The following BTN3A1 variants were observed in gnomAD, a reference collection of about 807,000 sequenced individuals.
The protein encoded by BTN3A1 is dJ45P21.3 (butyrophilin, subfamily 3, member A1).
BTN3A1 carries 24 observed loss-of-function variants against 43.0 expected under a neutral mutation model. The ratio of observed to expected loss-of-function variants is 0.56; its 90% CI spans 0.40 to 0.78. The LOEUF is 0.78. Ranked by LOEUF, BTN3A1 falls within the 30% of genes least tolerant of loss-of-function variation. The probability of loss-of-function intolerance (pLI) is 0.00; values close to 1 mark genes in which losing one functional copy is unlikely to be tolerated. For synonymous variants in BTN3A1, 181 were observed against 234.7 expected, an observed-to-expected ratio of 0.77 and a Z score of 2.09; for missense variants, 533 against 626.2, an observed-to-expected ratio of 0.85 and a Z score of 1.59.
intron 7 of BTN3A1, among the ~76,000 whole-genome samples, chr6:26,410,572 C>T (rs1796520): frequency 0.61 from 92,993 of 151,828 alleles, 30,386 homozygotes; most frequent in African/African-American, 0.86. Context: ...CCTGAACAGT[C>T]GCTCAGTTGG....
chr6:26,407,534 A>G, intron 3 of BTN3A1, 137 bp from the exon 4 acceptor site: 1 of 1,126,752 alleles, frequency 8.9e-7, no homozygotes, highest in Non-Finnish European at 1.3e-6. Context: ...CTTTCTCCTC[A>G]CTAGGACCAC....
At chr6:26,413,029 G>C in intron 9 of BTN3A1, 140 bp from the exon 10 acceptor site, 1 of 1,494,834 alleles carries the variant, frequency 6.7e-7, no homozygotes. Flanking sequence ...ACATCGATGA[G>C]AGAGTCACAT....
intron 2 of BTN3A1, 42 bp downstream of exon 2, chr6:26,405,690 C>T: frequency 1.2e-6 from 2 of 1,607,726 alleles, no homozygotes; most frequent in Non-Finnish European, 1.7e-6. Flanking sequence ...CAGACAATTA[C>T]CTAATTATGT....
chr6:26,412,093 A>G (rs1762239821), intron 9 of BTN3A1: 1 of 265,314 alleles, frequency 3.8e-6, no homozygotes, highest in Non-Finnish European at 7.1e-6. Flanking sequence ...TCCATTGGTC[A>G]AAAACCTTAA....
Position 26,413,593 on chromosome 6 carries a change from T to G in BTN3A1, c.1443T>G (p.His481Gln). 6.2e-7 allele frequency: 1 copy of G among 1,614,194 alleles called. No homozygotes were observed. Among genetic ancestry groups the G allele is most frequent in the Non-Finnish European group, 8.5e-7 (1 of 1,180,028 alleles). ...TCTACAATGCTGTGGATGGATCGCA[T>G]ATTCATACTTTCCTGGACGTCTCCT... ...ISFYNAVDGS[H>Q]IHTFLDVSFS... The change falls in exon 10 of 10, where the codon CAT (histidine) becomes CAG (glutamine). Residue 481 changes from histidine (H) to glutamine (Q), a missense_variant. This residue lies in a region of BTN3A1 where 415 missense variants were observed against 427.0 expected (regional missense o/e 0.97). Coordinates refer to ENST00000289361, the MANE Select transcript of BTN3A1 (RefSeq NM_007048.6).
chr6:26,410,710 CAT>C (rs1195270783), intron 7 of BTN3A1, among the ~76,000 whole-genome samples: 4 of 151,182 alleles, frequency 2.6e-5, no homozygotes, highest in East Asian at 1.9e-4. Flanking sequence ...CACACACACA[CAT>C]ACACACATTT....
chr6:26,409,448 G>A, intron 4 of BTN3A1, 85 bp from the exon 5 acceptor site: 2 of 1,272,890 alleles, frequency 1.6e-6, no homozygotes, highest in Non-Finnish European at 2.3e-6. Flanking sequence ...CTGTGACCTG[G>A]GGTGAGCAGC....
intron 1 of BTN3A1, chr6:26,403,987 A>G (rs1313200361): frequency 2.0e-5 from 3 of 152,218 alleles, no homozygotes; most frequent in Non-Finnish European, 4.4e-5. Flanking sequence ...ATAGCAACAT[A>G]AAGAGCAGTT....
At chr6:26,408,738 G>C (rs1223356235) in intron 4 of BTN3A1, among the ~76,000 whole-genome samples, 1 of 152,184 alleles carries the variant, frequency 6.6e-6, no homozygotes, top group African/African-American at 2.4e-5. Context: ...GATGTTCACT[G>C]CTGGAGAACT....
At chr6:26,411,194 T>C in intron 8 of BTN3A1, 59 bp downstream of exon 8, 1 of 1,567,016 alleles carries the variant, frequency 6.4e-7, no homozygotes. Flanking sequence ...CATTTCAACC[T>C]TTTCTCTGCT....
chr6:26,413,792 C>A lies in BTN3A1; in HGVS notation c.*100C>A. 1 of 1,599,412 alleles carries A rather than the reference C, an allele frequency of 6.3e-7. No individual in the cohort carries two copies. Among genetic ancestry groups the A allele is most frequent in the South Asian group, 1.1e-5 (1 of 90,968 alleles). The stretch of plus-strand genomic sequence containing the variant: ...GCTAACGAAAGTGGGGAGCCTCAGG[C>A]TGAAGTAACTTTTCTCTGCTTCTCC... On this transcript the variant is annotated 3_prime_UTR_variant, in exon 10 of 10. Transcript: ENST00000289361.
At chr6:26,410,720 T>C (rs1427424310) in intron 7 of BTN3A1, among the ~76,000 whole-genome samples, 4 of 150,614 alleles carry the variant, frequency 2.7e-5, no homozygotes, top group Non-Finnish European at 5.9e-5. Flanking sequence ...CATACACACA[T>C]TTAAATATAT....
At chr6:26,406,927 T>C (rs1386768080) in intron 3 of BTN3A1, among the ~76,000 whole-genome samples, 1 of 152,182 alleles carries the variant, frequency 6.6e-6, no homozygotes, top group Non-Finnish European at 1.5e-5. Flanking sequence ...TAATCAATCT[T>C]ATCTAGGAAG....
At chr6:26,411,023 A>AT in intron 7 of BTN3A1, 86 bp from the exon 8 acceptor site, 11 of 1,013,002 alleles carry the variant, frequency 1.1e-5, no homozygotes, top group Non-Finnish European at 1.5e-5. Flanking sequence ...AAAAAAAAAA[A>AT]GATTAGATGG....
chr6:26,412,434 A>C (rs1237294972), intron 9 of BTN3A1: 2 of 1,337,348 alleles, frequency 1.5e-6, no homozygotes, highest in East Asian at 2.5e-5. Flanking sequence ...GCCAAACCCA[A>C]CAGCAAACCA....
In BTN3A1 at chr6:26,414,296, T is replaced by C. The variant is rs1008451357; in HGVS notation, c.*604T>C. The C allele has an allele frequency of 3.1e-5, 5 of 159,834 alleles. No individual in the cohort carries two copies. The highest frequency in any genetic ancestry group is 2.4e-4 in the Admixed American group (4 of 16,766). The allele number at this position is 159,834 out of a possible 1,614,324, so 9.9% of individuals were successfully genotyped here. ...CTTTTCCACCCTGTTTCTTCCCCCA[T>C]AGGAAGAACCCACCTGTAGCCCTGA... On this transcript the variant is annotated 3_prime_UTR_variant, in exon 10 of 10. Transcript: ENST00000289361.
intron 4 of BTN3A1, among the ~76,000 whole-genome samples, chr6:26,409,037 A>G (rs1314893370): frequency 6.6e-6 from 1 of 152,156 alleles, no homozygotes; most frequent in African/African-American, 2.4e-5. Flanking sequence ...CAGAGAGGTT[A>G]AGTAATTAGT....
chr6:26,412,531 A>C, intron 9 of BTN3A1: 1 of 1,549,956 alleles, frequency 6.5e-7, no homozygotes, highest in Non-Finnish European at 8.7e-7. Flanking sequence ...AGAAAGCTGA[A>C]GGGTGGAGAG....
intron 9 of BTN3A1, 140 bp from the exon 10 acceptor site, chr6:26,413,029 G>A: frequency 4.7e-6 from 7 of 1,494,834 alleles, no homozygotes; most frequent in Non-Finnish European, 6.2e-6. Context: ...ACATCGATGA[G>A]AGAGTCACAT....
Sources: gnomAD v4.1 joint callset for allele counts (sites outside exome capture counted in the v4.1 genomes callset) on GRCh38, gnomAD v4.1.1 for gene constraint, gnomAD v4.1.1 regional missense constraint, MANE v1.5 for transcripts, NCBI Gene and HGNC (gene_info 2026-07-23, HGNC 2026-07-21) for gene names.